The following ANKS1B variants were observed in gnomAD, a reference collection of about 807,000 sequenced individuals.
The protein encoded by ANKS1B is ankyrin repeat and sterile alpha motif domain-containing protein 1B.
A neutral mutation model predicts 148.3 loss-of-function variants in ANKS1B; 36 were observed. That is an observed-to-expected ratio of 0.24 (90% CI 0.19 to 0.32). ANKS1B has a LOEUF of 0.32. Ranked by LOEUF, ANKS1B falls within the 10% of genes least tolerant of loss-of-function variation. The probability of loss-of-function intolerance (pLI) is 1.00; values close to 1 mark genes in which losing one functional copy is unlikely to be tolerated. For missense variants in ANKS1B, 1,157 were observed against 1,542.6 expected (o/e 0.75, Z 4.19); for synonymous variants, 542 against 560.8 (o/e 0.97, Z 0.47).
rs529859577 is a variant in ANKS1B at position 99,558,384 on chromosome 12, A to G, written c.1273-53743T>C. 9.2e-3 allele frequency among the ~76,000 whole-genome samples: 1,398 copies of G among 152,242 alleles called. 7 individuals carry two copies. Among genetic ancestry groups the G allele is most frequent in the Non-Finnish European group, 0.014 (963 of 68,004 alleles). ...GCAGCAGTGGGGCAGCGGGGTACAC[A>G]CACGCATGCCAGCATGGGATGGGAG... On this transcript the variant is annotated intron_variant, in intron 9 of 26. Coordinates refer to ENST00000683438, the MANE Select transcript of ANKS1B (RefSeq NM_001352186.2).
intron 12 of ANKS1B, among the ~76,000 whole-genome samples, chr12:99,383,089 C>T (rs569427218): frequency 3.6e-4 from 55 of 152,250 alleles, no homozygotes; most frequent in African/African-American, 1.2e-3. Flanking sequence ...TTACCTGTAA[C>T]AACTAGTTTC....
At chr12:98,944,123 A>C (rs1487013301) in intron 17 of ANKS1B, among the ~76,000 whole-genome samples, 1 of 152,034 alleles carries the variant, frequency 6.6e-6, no homozygotes, top group Non-Finnish European at 1.5e-5. Flanking sequence ...AACATGGTGA[A>C]ACTCCATCTC....
At chr12:99,394,234 A>G (rs953630171) in intron 12 of ANKS1B, among the ~76,000 whole-genome samples, 1 of 152,194 alleles carries the variant, frequency 6.6e-6, no homozygotes, top group Non-Finnish European at 1.5e-5. Flanking sequence ...GAAAACTATC[A>G]GAACAGATCT....
At chr12:99,047,594 A>T (rs1208235599) in intron 17 of ANKS1B, among the ~76,000 whole-genome samples, 20 of 152,190 alleles carry the variant, frequency 1.3e-4, no homozygotes, top group Admixed American at 1.2e-3. Flanking sequence ...AGGGGGAAAA[A>T]AACTGACCCA....
At chr12:99,266,031 T>A (rs1352696496) in intron 12 of ANKS1B, among the ~76,000 whole-genome samples, 1 of 152,214 alleles carries the variant, frequency 6.6e-6, no homozygotes, top group Non-Finnish European at 1.5e-5. Context: ...TATCTGTTGG[T>A]CATTTCCAAG....
chr12:99,969,629 G>T (rs900872178), intron 1 of ANKS1B, among the ~76,000 whole-genome samples: 1 of 152,108 alleles, frequency 6.6e-6, no homozygotes, highest in Admixed American at 6.6e-5. Context: ...ATATGAAACT[G>T]ATAAGCACAC....
At chr12:99,879,584 A>G (rs1051395812) in intron 1 of ANKS1B, among the ~76,000 whole-genome samples, 2 of 152,190 alleles carry the variant, frequency 1.3e-5, no homozygotes, top group African/African-American at 2.4e-5. Context: ...TGCAGGATGA[A>G]TCAGTTTGTT....
At chr12:98,864,272 TCATTTCTCTGTGTTGAGAA>T (rs1422081575) in intron 17 of ANKS1B, among the ~76,000 whole-genome samples, 5 of 152,330 alleles carry the variant, frequency 3.3e-5, no homozygotes, top group African/African-American at 1.2e-4. Flanking sequence ...CAAACATTTA[TCATTTCTCTGTGTTGAGAA>T]CATTTCAAGT....
chr12:99,521,087 T>G (rs7974411), intron 9 of ANKS1B, among the ~76,000 whole-genome samples: 42,230 of 151,936 alleles, frequency 0.28, 7,121 homozygotes, highest in African/African-American at 0.48. Flanking sequence ...GAGCCACTGT[T>G]CCTGGTCTGA....
intron 1 of ANKS1B, among the ~76,000 whole-genome samples, chr12:99,921,035 T>C (rs2094335431): frequency 6.6e-6 from 1 of 152,148 alleles, no homozygotes; most frequent in African/African-American, 2.4e-5. Context: ...CTACACAAAT[T>C]TGGCTGAAAC....
intron 3 of ANKS1B, among the ~76,000 whole-genome samples, chr12:99,807,433 A>G (rs937300739): frequency 1.8e-4 from 27 of 152,148 alleles, no homozygotes; most frequent in African/African-American, 6.3e-4. Flanking sequence ...CCCAGTTGCA[A>G]GGCAGAGGGA....
intron 1 of ANKS1B, among the ~76,000 whole-genome samples, chr12:99,878,324 T>G (rs2092263792): frequency 6.6e-6 from 1 of 152,132 alleles, no homozygotes; most frequent in African/African-American, 2.4e-5. Flanking sequence ...CATATCTAAC[T>G]ACAAAGGAAT....
intron 15 of ANKS1B, among the ~76,000 whole-genome samples, chr12:99,129,692 TAA>T (rs988520398): frequency 1.1e-4 from 17 of 152,274 alleles, no homozygotes; most frequent in African/African-American, 4.1e-4. Flanking sequence ...GTTAAAACTT[TAA>T]AGTCTTTATA....
chr12:98,916,426 C>T (rs2099794545), intron 17 of ANKS1B, among the ~76,000 whole-genome samples: 1 of 152,206 alleles, frequency 6.6e-6, no homozygotes, highest in South Asian at 2.1e-4. Context: ...CTATCCAACA[C>T]CCTCCACACA....
intron 12 of ANKS1B, among the ~76,000 whole-genome samples, chr12:99,290,310 C>T (rs1366800105): frequency 1.4e-5 from 2 of 146,618 alleles, no homozygotes; most frequent in Non-Finnish European, 3.0e-5. Flanking sequence ...AAGGCGTGGA[C>T]CTGATGGCTT....
At chr12:99,030,428 C>T (rs2099951326) in intron 17 of ANKS1B, among the ~76,000 whole-genome samples, 1 of 152,082 alleles carries the variant, frequency 6.6e-6, no homozygotes, top group Non-Finnish European at 1.5e-5. Flanking sequence ...ACCCCATTGC[C>T]TTCTTCCAGC....
intron 12 of ANKS1B, among the ~76,000 whole-genome samples, chr12:99,275,789 TATC>T (rs1191157492): frequency 6.6e-6 from 1 of 152,222 alleles, no homozygotes; most frequent in African/African-American, 2.4e-5. Context: ...AAAATGTCAT[TATC>T]ATTTTGTAAG....
chr12:99,432,468 G>A (rs1162067941), intron 11 of ANKS1B, among the ~76,000 whole-genome samples: 3 of 152,166 alleles, frequency 2.0e-5, no homozygotes, highest in African/African-American at 7.2e-5. Flanking sequence ...AGGAAGGAAG[G>A]AGGGAGGAAA....
chr12:99,054,314 A>C (rs2099968155), intron 16 of ANKS1B, among the ~76,000 whole-genome samples: 1 of 152,198 alleles, frequency 6.6e-6, no homozygotes, highest in Non-Finnish European at 1.5e-5. Context: ...CAAAGAGATA[A>C]ATATTAATGG....
Sources: allele counts gnomAD v4.1 joint callset (sites outside exome capture counted in the v4.1 genomes callset), GRCh38; gene constraint gnomAD v4.1.1; transcripts MANE v1.5; gene names NCBI Gene and HGNC (gene_info 2026-07-23, HGNC 2026-07-21).